Variants in IL1RAPL2 observed in about 807,000 individuals in gnomAD.
IL1RAPL2 encodes interleukin 1 receptor accessory protein like 2.
IL1RAPL2 carries 3 observed loss-of-function variants against 44.1 expected under a neutral mutation model. That is an observed-to-expected ratio of 0.07 (90% confidence interval 0.03 to 0.18). The LOEUF (loss-of-function observed/expected upper bound fraction) is 0.18. Among genes scored for constraint, IL1RAPL2 ranks in the 10% least tolerant of loss-of-function variants. The probability of loss-of-function intolerance (pLI) is 1.00; values close to 1 mark genes in which losing one functional copy is unlikely to be tolerated. For missense variants in IL1RAPL2, 391 were observed against 496.4 expected (o/e 0.79, Z 2.02); for synonymous variants, 181 against 178.8 (o/e 1.01, Z -0.10).
At chrX:105,293,967 G>T (rs1337471604) in intron 5 of IL1RAPL2, among the ~76,000 whole-genome samples, 1 of 112,383 alleles carries the variant, frequency 8.9e-6, no homozygotes, top group Admixed American at 9.5e-5. Context: ...AAAGCAATTT[G>T]CAAACAATAG....
intron 2 of IL1RAPL2, among the ~76,000 whole-genome samples, chrX:104,737,989 C>G (rs183039988): frequency 4.7e-4 from 53 of 112,339 alleles, no homozygotes; most frequent in Non-Finnish European, 6.9e-4. Context: ...TATGCTTGTT[C>G]TGATCTTCTA....
At chrX:105,094,375 C>T (rs1350178703) in intron 2 of IL1RAPL2, among the ~76,000 whole-genome samples, 1 of 111,622 alleles carries the variant, frequency 9.0e-6, no homozygotes, top group African/African-American at 3.3e-5. Flanking sequence ...ATGTAAACTA[C>T]ATATCATACA....
chrX:105,416,614 T>G (rs1044987687), intron 5 of IL1RAPL2, among the ~76,000 whole-genome samples: 6 of 112,174 alleles, frequency 5.3e-5, no homozygotes, highest in African/African-American at 1.9e-4. Flanking sequence ...TCCTTTAAAT[T>G]ATACGATTAA....
intron 6 of IL1RAPL2, among the ~76,000 whole-genome samples, chrX:105,681,664 C>T (rs1457199120): frequency 3.6e-5 from 4 of 110,670 alleles, no homozygotes; most frequent in Non-Finnish European, 7.6e-5. Context: ...AGGCTGAGGC[C>T]GGATAATTGC....
intron 1 of IL1RAPL2, among the ~76,000 whole-genome samples, chrX:104,575,301 G>C (rs1372650317): frequency 9.0e-6 from 1 of 111,241 alleles, no homozygotes; most frequent in East Asian, 2.8e-4. Context: ...TGTAATATTT[G>C]ATATGTAAAG....
chrX:105,473,296 A>G (rs1384117098), intron 5 of IL1RAPL2, among the ~76,000 whole-genome samples: 1 of 111,759 alleles, frequency 8.9e-6, no homozygotes, highest in African/African-American at 3.3e-5. Flanking sequence ...ATGTAAACAA[A>G]TAGGTTACTC....
chrX:104,879,961 A>G (rs1001268337), intron 2 of IL1RAPL2, among the ~76,000 whole-genome samples: 3 of 111,499 alleles, frequency 2.7e-5, no homozygotes, highest in African/African-American at 9.8e-5. Context: ...CAACTTGACA[A>G]TTAATTAGGG....
intron 2 of IL1RAPL2, among the ~76,000 whole-genome samples, chrX:104,894,684 C>T (rs1234150107): frequency 3.6e-5 from 4 of 111,695 alleles, no homozygotes; most frequent in Non-Finnish European, 7.5e-5. Flanking sequence ...GTTAGCCATT[C>T]ATCTAATCTT....
chrX:104,730,046 T>C (rs990834130), intron 2 of IL1RAPL2, among the ~76,000 whole-genome samples: 98 of 110,869 alleles, frequency 8.8e-4, no homozygotes, highest in Non-Finnish European at 1.5e-3. Context: ...AAAAGCCTTA[T>C]TAGGGACATG....
intron 2 of IL1RAPL2, among the ~76,000 whole-genome samples, chrX:104,917,206 T>C (rs1924477435): frequency 9.0e-6 from 1 of 111,519 alleles, no homozygotes; most frequent in South Asian, 3.8e-4. Flanking sequence ...TCCTGGACTT[T>C]TTTTGGTTGG....
intron 1 of IL1RAPL2, among the ~76,000 whole-genome samples, chrX:104,605,800 C>G (rs1928995699): frequency 8.9e-6 from 1 of 111,900 alleles, no homozygotes; most frequent in Non-Finnish European, 1.9e-5. Flanking sequence ...AGATGAATAA[C>G]AAATTCTGAA....
chrX:104,948,657 C>G (rs1383178891), intron 2 of IL1RAPL2, among the ~76,000 whole-genome samples: 2 of 111,392 alleles, frequency 1.8e-5, no homozygotes, highest in Admixed American at 1.9e-4. Flanking sequence ...AAGGCCTTTT[C>G]TGCATCTATT....
intron 7 of IL1RAPL2, among the ~76,000 whole-genome samples, chrX:105,727,673 A>G (rs2038363212): frequency 8.9e-6 from 1 of 111,898 alleles, no homozygotes; most frequent in African/African-American, 3.2e-5. Context: ...TTACTTGTTT[A>G]CTTTCTCCTT....
intron 6 of IL1RAPL2, among the ~76,000 whole-genome samples, chrX:105,581,740 A>G (rs2037090503): frequency 9.0e-6 from 1 of 111,505 alleles, no homozygotes; most frequent in Non-Finnish European, 1.9e-5. Context: ...TCTTGATGAC[A>G]TTGTTATACT....
At chrX:105,757,875 C>T (rs1446821016) in intron 10 of IL1RAPL2, among the ~76,000 whole-genome samples, 3 of 111,449 alleles carry the variant, frequency 2.7e-5, no homozygotes, top group African/African-American at 6.5e-5. Context: ...TCAGGATTAA[C>T]GAGTTTTTCC....
intron 8 of IL1RAPL2, among the ~76,000 whole-genome samples, chrX:105,741,740 A>C (rs1292079565): frequency 8.9e-6 from 1 of 111,970 alleles, no homozygotes; most frequent in Non-Finnish European, 1.9e-5. Flanking sequence ...TAAAAGAGAA[A>C]GTAAAGTCAG....
At chrX:104,879,666 G>A (rs959852542) in intron 2 of IL1RAPL2, among the ~76,000 whole-genome samples, 8 of 111,733 alleles carry the variant, frequency 7.2e-5, no homozygotes, top group Non-Finnish European at 1.3e-4. Context: ...TCCAAGTCTG[G>A]TGCAAATTAT....
At chrX:104,920,896 T>G (rs2147691501) in intron 2 of IL1RAPL2, among the ~76,000 whole-genome samples, 1 of 110,759 alleles carries the variant, frequency 9.0e-6, no homozygotes, top group South Asian at 4.0e-4. Flanking sequence ...TGACCAGATC[T>G]TTTGAGACAA....
At chrX:104,761,972 CTT>C (rs1569309966) in intron 2 of IL1RAPL2, among the ~76,000 whole-genome samples, 7 of 97,528 alleles carry the variant, frequency 7.2e-5, no homozygotes, top group East Asian at 6.3e-4. Flanking sequence ...TCTTCTTCTT[CTT>C]CTTCTTCTTC....
Sources: allele counts gnomAD v4.1 joint callset (sites outside exome capture counted in the v4.1 genomes callset), GRCh38; gene constraint gnomAD v4.1.1; transcripts MANE v1.5; gene names NCBI Gene and HGNC (gene_info 2026-07-23, HGNC 2026-07-21).